Variants in GPC6 observed in about 807,000 individuals in gnomAD.
The protein encoded by GPC6 is glypican-6.
In GPC6, 14 loss-of-function variants were observed where a neutral mutation model predicts 55.2. The ratio of observed to expected loss-of-function variants is 0.25; its 90% CI spans 0.17 to 0.40. GPC6 has a LOEUF of 0.40. Ranked by LOEUF, GPC6 falls within the 10% of genes least tolerant of loss-of-function variation. GPC6 has a pLI of 1.00. For synonymous variants in GPC6, 278 were observed against 259.6 expected (o/e 1.07, Z -0.68); for missense variants, 641 against 708.5 (o/e 0.90, Z 1.08).
intron 1 of GPC6, among the ~76,000 whole-genome samples, chr13:93,494,797 G>T (rs1040011327): frequency 3.3e-5 from 5 of 149,260 alleles, no homozygotes; most frequent in African/African-American, 1.2e-4. Flanking sequence ...TAGTTTGGCT[G>T]GATATGAAAT....
intron 5 of GPC6, among the ~76,000 whole-genome samples, chr13:94,287,085 C>T (rs1313285946): frequency 6.6e-6 from 1 of 152,088 alleles, no homozygotes; most frequent in Non-Finnish European, 1.5e-5. Flanking sequence ...ATGCCAGGTG[C>T]ACAATTTTTA....
At chr13:93,280,044 T>C (rs1350720410) in intron 1 of GPC6, among the ~76,000 whole-genome samples, 15 of 152,172 alleles carry the variant, frequency 9.9e-5, no homozygotes. Context: ...TAGAGGGTAA[T>C]GCCAAGTCAG....
intron 6 of GPC6, among the ~76,000 whole-genome samples, chr13:94,349,091 A>AC (rs1372930334): frequency 6.6e-6 from 1 of 152,118 alleles, no homozygotes; most frequent in East Asian, 1.9e-4. Flanking sequence ...AACCTGTGGA[A>AC]CCTCGAAAAG....
At chr13:93,786,685 A>G (rs1187253087) in intron 2 of GPC6, among the ~76,000 whole-genome samples, 1 of 152,220 alleles carries the variant, frequency 6.6e-6, no homozygotes, top group Admixed American at 6.5e-5. Context: ...AATTATTTAA[A>G]TACACACAGT....
At chr13:93,913,712 G>A (rs1358214925) in intron 3 of GPC6, among the ~76,000 whole-genome samples, 1 of 152,046 alleles carries the variant, frequency 6.6e-6, no homozygotes, top group Non-Finnish European at 1.5e-5. Context: ...AATGTATAAG[G>A]TAGAGTTATT....
At chr13:93,634,914 C>G (rs985768231) in intron 2 of GPC6, among the ~76,000 whole-genome samples, 1 of 152,020 alleles carries the variant, frequency 6.6e-6, no homozygotes, top group Admixed American at 6.6e-5. Context: ...TTTGAGTAGG[C>G]AAAACTCTAG....
intron 4 of GPC6, among the ~76,000 whole-genome samples, chr13:94,041,290 G>A (rs1883523369): frequency 6.6e-6 from 1 of 151,790 alleles, no homozygotes; most frequent in African/African-American, 2.4e-5. Flanking sequence ...AGCCACTTGA[G>A]AGCTATGATG....
chr13:94,145,191 G>A (rs72645952), intron 4 of GPC6, among the ~76,000 whole-genome samples: 26,712 of 151,632 alleles, frequency 0.18, 2,745 homozygotes, highest in Non-Finnish European at 0.23. Context: ...TGAATGGATG[G>A]ATGGATAAAA....
chr13:93,343,109 G>A (rs78167774), intron 1 of GPC6, among the ~76,000 whole-genome samples: 4 of 151,912 alleles, frequency 2.6e-5, no homozygotes, highest in African/African-American at 9.7e-5. Context: ...CTTAGTAATG[G>A]GAAATAATGA....
intron 2 of GPC6, among the ~76,000 whole-genome samples, chr13:93,616,920 A>G (rs1335525963): frequency 2.0e-5 from 3 of 152,056 alleles, no homozygotes; most frequent in Admixed American, 6.6e-5. Context: ...AGGAAATAAC[A>G]CATCATTGTC....
At chr13:93,731,426 G>T (rs1594408696) in intron 2 of GPC6, among the ~76,000 whole-genome samples, 1 of 152,214 alleles carries the variant, frequency 6.6e-6, no homozygotes, top group Non-Finnish European at 1.5e-5. Context: ...TGAATGGAAG[G>T]ACGGTTGTCA....
chr13:93,765,087 C>T lies in GPC6; in HGVS notation c.320-65067C>T, dbSNP rs187021776. On this transcript the variant is annotated intron_variant, in intron 2 of 8. Coordinates refer to ENST00000377047, the MANE Select transcript of GPC6 (RefSeq NM_005708.5). ...GTGCTGGGATTACAGGCGTGAGCCA[C>T]CGGGCATGCCCACAAGATTTTTTAA... 2.9e-4 allele frequency among the ~76,000 whole-genome samples: 44 copies of T among 152,328 alleles called. No individual in the cohort carries two copies. The East Asian group carries it at 8.5e-3, about 29-fold the overall frequency.
At chr13:94,017,025 G>T (rs1336356515) in intron 3 of GPC6, among the ~76,000 whole-genome samples, 1 of 151,994 alleles carries the variant, frequency 6.6e-6, no homozygotes, top group East Asian at 1.9e-4. Context: ...AGTAGAGATG[G>T]GGTTTCACCA....
chr13:94,010,912 T>C (rs533630757), intron 3 of GPC6, among the ~76,000 whole-genome samples: 1 of 152,282 alleles, frequency 6.6e-6, no homozygotes, highest in East Asian at 1.9e-4. Flanking sequence ...ATGGATGATA[T>C]ATCCTTAACA....
chr13:93,349,558 A>G (rs562410935), intron 1 of GPC6, among the ~76,000 whole-genome samples: 126 of 152,282 alleles, frequency 8.3e-4, no homozygotes, highest in African/African-American at 2.9e-3. Flanking sequence ...TCCGATCTGG[A>G]GATATACCAA....
chr13:93,964,306 G>A (rs1483205624), intron 3 of GPC6, among the ~76,000 whole-genome samples: 1 of 152,022 alleles, frequency 6.6e-6, no homozygotes, highest in African/African-American at 2.4e-5. Flanking sequence ...TACTAACCCT[G>A]GGAAAATGAG....
intron 3 of GPC6, among the ~76,000 whole-genome samples, chr13:94,004,786 G>C (rs1881945238): frequency 6.6e-6 from 1 of 152,152 alleles, no homozygotes; most frequent in South Asian, 2.1e-4. Context: ...GCTGGGTGCG[G>C]TGGCTCATAC....
chr13:93,703,839 G>C (rs541100612), intron 2 of GPC6, among the ~76,000 whole-genome samples: 1 of 151,976 alleles, frequency 6.6e-6, no homozygotes, highest in African/African-American at 2.4e-5. Flanking sequence ...GCAGCCAACT[G>C]TTTAATATCA....
chr13:93,674,963 C>T (rs1315882993), intron 2 of GPC6, among the ~76,000 whole-genome samples: 1 of 152,066 alleles, frequency 6.6e-6, no homozygotes, highest in East Asian at 1.9e-4. Flanking sequence ...TTTGTTCTTC[C>T]CCACCTAATC....
Sources: gnomAD v4.1 joint callset for allele counts (sites outside exome capture counted in the v4.1 genomes callset) on GRCh38, gnomAD v4.1.1 for gene constraint, MANE v1.5 for transcripts, NCBI Gene and HGNC (gene_info 2026-07-23, HGNC 2026-07-21) for gene names.